The following TACC1 variants were observed in gnomAD, a reference collection of about 807,000 sequenced individuals.
TACC1 encodes transforming acidic coiled-coil containing protein 1.
Under a neutral mutation model 84.4 loss-of-function variants are expected in TACC1, and 48 were observed. The observed-to-expected ratio is 0.57, with a 90% confidence interval of 0.45 to 0.72. TACC1 has a LOEUF of 0.72. Ranked by LOEUF, TACC1 falls within the 30% of genes least tolerant of loss-of-function variation. TACC1 has a pLI of 0.00. For synonymous variants in TACC1, 372 were observed against 376.3 expected, an observed-to-expected ratio of 0.99 and a Z score of 0.13; for missense variants, 920 against 973.0, an observed-to-expected ratio of 0.95 and a Z score of 0.72.
chr8:38,750,501 T>C (rs1344683299), intron 3 of TACC1, among the ~76,000 whole-genome samples: 2 of 152,178 alleles, frequency 1.3e-5, no homozygotes, highest in East Asian at 3.8e-4. Flanking sequence ...AAGGCATACA[T>C]GCTAGAAAGA....
intron 3 of TACC1, among the ~76,000 whole-genome samples, chr8:38,779,468 C>T (rs968758021): frequency 6.6e-6 from 1 of 152,246 alleles, no homozygotes. Flanking sequence ...TGCTCTCCGC[C>T]CTTTTCCACC....
intron 7 of TACC1, among the ~76,000 whole-genome samples, chr8:38,836,945 T>C (rs563618764): frequency 1.6e-4 from 23 of 144,490 alleles, no homozygotes; most frequent in Non-Finnish European, 3.4e-4. Context: ...AGTTTTATAG[T>C]TTTTTTTAGT....
chr8:38,820,429 C>T lies in TACC1; in HGVS notation c.1185C>T (p.Asn395=), dbSNP rs373798919. 3 of 1,614,068 alleles carry T rather than the reference C, an allele frequency of 1.9e-6. No homozygotes were observed. The highest frequency in any genetic ancestry group is 2.5e-6 in the Non-Finnish European group (3 of 1,180,040). ...DPSQWESPSF[N]PFGSHSVLQN... ...GTCAGTGGGAAAGCCCCAGCTTCAA[C>T]CCCTTTGGGAGCCACTCTGTTCTGC... The change falls in exon 3 of 13, where the codon AAC becomes AAT. Residue 395 remains asparagine, a synonymous_variant. Transcript: ENST00000317827.
At chr8:38,834,600 C>A (rs1169003598) in intron 6 of TACC1, among the ~76,000 whole-genome samples, 1 of 152,130 alleles carries the variant, frequency 6.6e-6, no homozygotes, top group Non-Finnish European at 1.5e-5. Flanking sequence ...TGCCCTCCCC[C>A]AAATGCTGCT....
chr8:38,765,766 G>A (rs1007141199), intron 3 of TACC1, among the ~76,000 whole-genome samples: 1 of 152,024 alleles, frequency 6.6e-6, no homozygotes, highest in Non-Finnish European at 1.5e-5. Flanking sequence ...ATAATACTGC[G>A]GACGGGACAT....
chr8:38,832,864 G>T (rs1396243346), intron 6 of TACC1, among the ~76,000 whole-genome samples: 1 of 152,314 alleles, frequency 6.6e-6, no homozygotes, highest in African/African-American at 2.4e-5. Flanking sequence ...TTAGTGATGC[G>T]AATTCTCCAC....
At chr8:38,783,762 T>G (rs1816614308), upstream of TACC1, among the ~76,000 whole-genome samples, 1 of 152,200 alleles carries the variant, frequency 6.6e-6, no homozygotes, top group Non-Finnish European at 1.5e-5. Flanking sequence ...ACCTCTCTTT[T>G]AAAAAATTAG....
chr8:38,776,255 G>A (rs1484948015), intron 3 of TACC1, among the ~76,000 whole-genome samples: 1 of 152,136 alleles, frequency 6.6e-6, no homozygotes, highest in African/African-American at 2.4e-5. Flanking sequence ...AAATGCAACT[G>A]CCTAATTTCT....
chr8:38,778,274 T>TTGTGTGTG (rs3076914), intron 3 of TACC1, among the ~76,000 whole-genome samples: 2,859 of 148,332 alleles, frequency 0.019, 82 homozygotes, highest in African/African-American at 0.059. Context: ...ATAATTAAAA[T>TTGTGTGTG]TGTGTGTGTG....
rs1817453312 is a variant in TACC1 at position 38,787,305 on chromosome 8, AGGCCACAGGAC to A, written c.-275_-265del. The A allele has an allele frequency of 8.5e-7, 1 of 1,176,322 alleles. No individual in the cohort carries two copies. The highest frequency in any genetic ancestry group is 4.8e-5 in the Admixed American group (1 of 20,784). 72.9% of individuals were successfully genotyped at this position (1,176,322 alleles called of 1,614,324 possible). A position where few individuals can be genotyped will look rare whatever the true frequency, so the allele number is the denominator to read the frequency against. On this transcript the variant is annotated 5_prime_UTR_variant, in exon 1 of 13. Transcript: ENST00000317827. ...GGCGCCGCGGGCCGGGGGCCTGAGG[AGGCCACAGGAC>A]GGGCGTCTTCCCGGCTAGTGGAGCC...
rs113100289 is a variant in TACC1 at position 38,733,031 on chromosome 8, C to A, written c.-675+4360C>A. On this transcript the variant is annotated intron_variant, in intron 1 of 14. Transcript: ENST00000518415. Reference sequence around the variant, plus strand: ...GACTCGGCACCGGACAGGAGATGCACGGCATAATTGCATCTGAGCAAGGAG... The same window carrying A: ...GACTCGGCACCGGACAGGAGATGCAAGGCATAATTGCATCTGAGCAAGGAG... Among the ~76,000 whole-genome samples, 412 of 152,266 alleles carry A rather than the reference C, an allele frequency of 2.7e-3. 3 individuals are homozygous for A. Among genetic ancestry groups the A allele is most frequent in the African/African-American group, 9.4e-3 (392 of 41,550 alleles).
intron 3 of TACC1, chr8:38,824,132 A>G (rs1827509052): frequency 1.1e-6 from 1 of 925,452 alleles, no homozygotes; most frequent in African/African-American, 1.7e-5. Context: ...TCTGAGTTTG[A>G]TCTTCTGATG....
chr8:38,758,117 A>T (rs1302394149), intron 3 of TACC1, among the ~76,000 whole-genome samples: 7 of 152,108 alleles, frequency 4.6e-5, no homozygotes, highest in Admixed American at 3.3e-4. Flanking sequence ...TTAAATATTT[A>T]TTTATTTATT....
At chr8:38,836,643 A>C (rs896991500) in intron 7 of TACC1, among the ~76,000 whole-genome samples, 1 of 152,154 alleles carries the variant, frequency 6.6e-6, no homozygotes, top group African/African-American at 2.4e-5. Flanking sequence ...AACATTTGTA[A>C]TTTTTTTGCA....
intron 3 of TACC1, among the ~76,000 whole-genome samples, chr8:38,823,569 C>T (rs1352105101): frequency 1.3e-5 from 2 of 152,184 alleles, no homozygotes; most frequent in Non-Finnish European, 2.9e-5. Flanking sequence ...TCTCTCGAGT[C>T]CTGCCACCCT....
intron 3 of TACC1, among the ~76,000 whole-genome samples, chr8:38,776,582 A>G (rs1814834726): frequency 6.6e-6 from 1 of 152,206 alleles, no homozygotes; most frequent in South Asian, 2.1e-4. Flanking sequence ...CCTGAAGGTA[A>G]TTTTAAACAG....
chr8:38,736,879 A>G (rs927842302), intron 1 of TACC1, among the ~76,000 whole-genome samples: 3 of 152,182 alleles, frequency 2.0e-5, no homozygotes, highest in Non-Finnish European at 4.4e-5. Flanking sequence ...GCAGCCAGAT[A>G]TCATTGTGAT....
chr8:38,778,046 C>T (rs1232502285), intron 3 of TACC1, among the ~76,000 whole-genome samples: 1 of 152,120 alleles, frequency 6.6e-6, no homozygotes, highest in Non-Finnish European at 1.5e-5. Flanking sequence ...TGTGGAAATT[C>T]AAAGAGTAGA....
intron 3 of TACC1, among the ~76,000 whole-genome samples, chr8:38,755,754 G>A (rs1227892337): frequency 1.6e-5 from 1 of 63,090 alleles, no homozygotes; most frequent in South Asian, 3.6e-4. Context: ...AACAACAACA[G>A]AGTGTTCCTG....
Sources: gnomAD v4.1 joint callset for allele counts (sites outside exome capture counted in the v4.1 genomes callset) on GRCh38, gnomAD v4.1.1 for gene constraint, MANE v1.5 for transcripts, NCBI Gene and HGNC (gene_info 2026-07-23, HGNC 2026-07-21) for gene names.